Variants in ANKAR observed in about 807,000 individuals in gnomAD.
ANKAR encodes the protein ankyrin and armadillo repeat containing, also known as ankyrin and armadillo repeat-containing protein.
In ANKAR, 136 loss-of-function variants were observed where a neutral mutation model predicts 146.2. That is an observed-to-expected ratio of 0.93 (90% CI 0.81 to 1.07). The LOEUF (loss-of-function observed/expected upper bound fraction) is 1.07. Among genes scored for constraint, ANKAR ranks in the 50% least tolerant of loss-of-function variants. The pLI, the probability that ANKAR is intolerant of heterozygous loss-of-function variation, is 0.00. For missense variants in ANKAR, 1,567 were observed against 1,679.9 expected (o/e 0.93, Z 1.18); for synonymous variants, 500 against 575.8 (o/e 0.87, Z 1.88).
intron 13 of ANKAR, 58 bp from the exon 14 acceptor site, chr2:189,728,209 G>A: frequency 2.0e-6 from 3 of 1,511,448 alleles, no homozygotes; most frequent in Non-Finnish European, 2.7e-6. Flanking sequence ...TATAAAATAT[G>A]CATTCCTAAA....
intron 1 of ANKAR, chr2:189,675,876 A>C (rs2033543169): frequency 6.6e-6 from 1 of 152,336 alleles, no homozygotes; most frequent in Admixed American, 6.6e-5. Context: ...AGCTCATGAA[A>C]GATCTGGTTG....
downstream of ANKAR, among the ~76,000 whole-genome samples, chr2:189,749,017 C>A (rs1216553221): frequency 6.6e-6 from 1 of 151,864 alleles, no homozygotes; most frequent in East Asian, 1.9e-4. Flanking sequence ...GAGGCCAAGG[C>A]GGGTGGATCA....
In ANKAR at chr2:189,733,243, A is replaced by C. The variant is rs546635258; in HGVS notation, c.3423+14A>C. ...TCAACAGAAAAGGTAATACCTTTAC[A>C]AAATATTGAGGTTCATTTTGAAAAA... On this transcript the variant is annotated intron_variant, in intron 17 of 22. Coordinates refer to ENST00000684021, the MANE Select transcript of ANKAR (RefSeq NM_001378068.1). 8 of 1,570,858 alleles carry C rather than the reference A, an allele frequency of 5.1e-6. No individual in the cohort carries two copies. Among genetic ancestry groups the C allele is most frequent in the Non-Finnish European group, 6.9e-6 (8 of 1,161,876 alleles).
At chr2:189,731,461 C>T (rs1318176544) in intron 16 of ANKAR, among the ~76,000 whole-genome samples, 2 of 150,168 alleles carry the variant, frequency 1.3e-5, no homozygotes, top group Non-Finnish European at 3.0e-5. Context: ...GCAACCTCCA[C>T]CTCCTGGGTT....
intron 6 of ANKAR, 66 bp from the exon 7 acceptor site, chr2:189,696,084 A>G: frequency 7.0e-7 from 1 of 1,431,602 alleles, no homozygotes; most frequent in Non-Finnish European, 9.7e-7. Context: ...CACTTCATGT[A>G]TTTTTTTCCT....
intron 16 of ANKAR, among the ~76,000 whole-genome samples, chr2:189,731,015 T>A (rs2042349170): frequency 6.6e-6 from 1 of 152,220 alleles, no homozygotes; most frequent in Admixed American, 6.5e-5. Flanking sequence ...TATTAGTGAA[T>A]CTTGTCAGTA....
chr2:189,745,225 T>C (rs2043981036), intron 22 of ANKAR, among the ~76,000 whole-genome samples: 1 of 151,658 alleles, frequency 6.6e-6, no homozygotes. Context: ...CACAAAAAAG[T>C]TTACCTGCAT....
chr2:189,728,740 T>C lies in ANKAR; in HGVS notation c.3112T>C (p.Leu1038=). 1 of 1,614,100 alleles carries C rather than the reference T, an allele frequency of 6.2e-7. No individual in the cohort carries two copies. Among genetic ancestry groups the C allele is most frequent in the Non-Finnish European group, 8.5e-7 (1 of 1,179,974 alleles). The change falls in exon 15 of 23, where the codon TTG becomes CTG. Residue 1038 remains leucine (L), a synonymous_variant. Coordinates refer to ENST00000684021, the MANE Select transcript of ANKAR (RefSeq NM_001378068.1). ...ATGTGAAGGGAATGGAATTGCACCA[T>C]TGGTTCGCTTACTAAGAATTAGTAC... ...QICEGNGIAP[L]VRLLRISTIA...
At chr2:189,754,333 GTC>G (rs2045734768) in intron 18 of ANKAR, 1 of 1,604,226 alleles carries the variant, frequency 6.2e-7, no homozygotes, top group Admixed American at 1.7e-5. Flanking sequence ...ATTAAAGAAA[GTC>G]TTCTTGCCAC....
intron 18 of ANKAR, among the ~76,000 whole-genome samples, chr2:189,757,786 T>C (rs894376858): frequency 6.6e-6 from 1 of 152,214 alleles, no homozygotes; most frequent in Non-Finnish European, 1.5e-5. Context: ...GCTATAGGTA[T>C]TCAAAAAATG....
At chr2:189,733,355 T>C in intron 17 of ANKAR, 126 bp downstream of exon 17, 1 of 834,064 alleles carries the variant, frequency 1.2e-6, no homozygotes, top group Non-Finnish European at 1.7e-6. Flanking sequence ...ATGTAAAAGA[T>C]CTCTTTGTAG....
chr2:189,737,578 G>A, intron 17 of ANKAR, 105 bp from the exon 18 acceptor site: 1 of 988,022 alleles, frequency 1.0e-6, no homozygotes, highest in Non-Finnish European at 1.4e-6. Context: ...TTTACTCCCA[G>A]TGATAAGAAT....
At chr2:189,759,269 G>A (rs1386890225) in intron 18 of ANKAR, among the ~76,000 whole-genome samples, 2 of 147,814 alleles carry the variant, frequency 1.4e-5, no homozygotes, top group Non-Finnish European at 3.0e-5. Context: ...TTTTTTTTGA[G>A]ACAGACTCTC....
At chr2:189,750,765 T>A, downstream of ANKAR, 3 of 738,612 alleles carry the variant, frequency 4.1e-6, no homozygotes, top group Non-Finnish European at 6.3e-6. Context: ...AATATTTAAT[T>A]CATCATATGT....
intron 2 of ANKAR, among the ~76,000 whole-genome samples, chr2:189,687,792 T>G (rs1559062244): frequency 6.6e-6 from 1 of 152,228 alleles, no homozygotes; most frequent in Non-Finnish European, 1.5e-5. Context: ...ATCTTTTGCC[T>G]ATTTTTAAAT....
chr2:189,722,691 G>A (rs895124191), intron 12 of ANKAR, among the ~76,000 whole-genome samples: 2 of 152,032 alleles, frequency 1.3e-5, no homozygotes, highest in Non-Finnish European at 2.9e-5. Context: ...GACCATCCTG[G>A]CCAACATGGT....
intron 3 of ANKAR, among the ~76,000 whole-genome samples, chr2:189,691,935 T>A (rs2036477345): frequency 6.6e-6 from 1 of 152,032 alleles, no homozygotes; most frequent in Non-Finnish European, 1.5e-5. Flanking sequence ...CTAGTTTTTG[T>A]GTTTTTAGTA....
Position 189,708,962 on chromosome 2 carries a change from C to T in ANKAR, c.2119+1816C>T, listed in dbSNP as rs374483558. The stretch of plus-strand genomic sequence containing the variant: ...ACTAAAAATACAAAAATCAGCTGGG[C>T]GTGGTGGCACGTGCCTGTAGTCCTA... On this transcript the variant is annotated intron_variant, in intron 9 of 22. Coordinates refer to ENST00000684021, the MANE Select transcript of ANKAR (RefSeq NM_001378068.1). Among the ~76,000 whole-genome samples the T allele has an allele frequency of 7.9e-5, 12 of 152,178 alleles. No individual in the cohort carries two copies. In the East Asian group the frequency reaches 1.7e-3, roughly 22 times the overall value.
chr2:189,704,773 C>T (rs2038687056), intron 7 of ANKAR, among the ~76,000 whole-genome samples: 1 of 149,260 alleles, frequency 6.7e-6, no homozygotes, highest in Non-Finnish European at 1.5e-5. Flanking sequence ...TTTTTCTTTG[C>T]TTATAAAAAA....
Sources: gnomAD v4.1 joint callset for allele counts (sites outside exome capture counted in the v4.1 genomes callset) on GRCh38, gnomAD v4.1.1 for gene constraint, MANE v1.5 for transcripts, NCBI Gene and HGNC (gene_info 2026-07-23, HGNC 2026-07-21) for gene names.